ZNF674: variants seen among roughly 807,000 people sequenced by gnomAD.
ZNF674 encodes zinc finger family member 674.
A neutral mutation model predicts 7.0 loss-of-function variants in ZNF674; 2 were observed. That is an observed-to-expected ratio of 0.29 (90% CI 0.12 to 0.90). ZNF674 has a LOEUF of 0.90. Ranked by LOEUF, ZNF674 falls within the 40% of genes least tolerant of loss-of-function variation. The pLI is 0.57. For synonymous variants in ZNF674, 103 were observed against 145.2 expected (o/e 0.71, Z 2.09); for missense variants, 297 against 415.5 (o/e 0.71, Z 2.48).
intron 5 of ZNF674, among the ~76,000 whole-genome samples, chrX:46,519,656 A>C (rs1941871731): frequency 9.0e-6 from 1 of 111,360 alleles, no homozygotes; most frequent in African/African-American, 3.2e-5. Context: ...CATACATAAA[A>C]ATTTAATTTA....
chrX:46,541,818 A>G (rs1942300184), intron 3 of ZNF674, among the ~76,000 whole-genome samples: 1 of 112,098 alleles, frequency 8.9e-6, no homozygotes, highest in Non-Finnish European at 1.9e-5. Flanking sequence ...GAATCTATGT[A>G]TTTAAACAAT....
intron 5 of ZNF674, among the ~76,000 whole-genome samples, chrX:46,527,494 G>A (rs1002132326): frequency 1.8e-5 from 2 of 111,344 alleles, no homozygotes; most frequent in African/African-American, 6.5e-5. Flanking sequence ...TGTGAAACAC[G>A]TGGAACTCAC....
At chrX:46,537,892 C>T (rs767463640) in intron 3 of ZNF674, among the ~76,000 whole-genome samples, 36 of 111,588 alleles carry the variant, frequency 3.2e-4, no homozygotes, top group Non-Finnish European at 5.8e-4. Flanking sequence ...AATTCAAGAT[C>T]GGCCTGGCCA....
At position 46,499,992 on chromosome X, in the gene ZNF674, C is replaced by G. The variant is rs754121663; in HGVS notation, c.1582G>C (p.Ala528Pro). Reference protein sequence around the residue: ...KPYKCSECGKAFSVKSTLIVH... With the variant: ...KPYKCSECGKPFSVKSTLIVH... ...ATGAGAGTTGATTTCACACTGAAGGCCTTCCCACATTCACTACATTTGTAA... is the reference window on the plus strand; with the variant it reads ...ATGAGAGTTGATTTCACACTGAAGGGCTTCCCACATTCACTACATTTGTAA... The change falls in exon 6 of 6, where the codon GCC becomes CCC. Residue 528 changes from alanine to proline, a missense_variant. By Grantham distance (27) the Ala-to-Pro change is conservative. Transcript: ENST00000683375. The G allele has an allele frequency of 1.4e-5, 17 of 1,203,377 alleles. No homozygotes were observed. The South Asian group carries it at 3.0e-4, about 21-fold the overall frequency.
intron 3 of ZNF674, 67 bp from the exon 4 acceptor site, chrX:46,528,976 A>G (rs1358395755): frequency 6.6e-6 from 8 of 1,210,101 alleles, no homozygotes; most frequent in African/African-American, 3.5e-5. Flanking sequence ...GGCACCTCAC[A>G]CACACGGAGG....
At position 46,528,438 on chromosome X, in the gene ZNF674, T is replaced by C. The variant is rs1431859741; in HGVS notation, c.150A>G (p.Leu50=). 1 of 1,207,934 alleles carries C rather than the reference T, an allele frequency of 8.3e-7. No individual in the cohort carries two copies. Among genetic ancestry groups the C allele is most frequent in the Admixed American group, 2.2e-5 (1 of 45,956 alleles). ...TGAAGATCACATCTGGCTTCCCAACTAGATGCCCTGTTTAGGGGACATGAC... is the reference window on the plus strand; with the variant it reads ...TGAAGATCACATCTGGCTTCCCAACCAGATGCCCTGTTTAGGGGACATGAC... ...NYSHLVSVGH[L]VGKPDVIFRL... Residue 50 remains leucine (L), a synonymous_variant, in exon 5 of 6, where the codon CTA becomes CTG. Coordinates refer to ENST00000683375, the MANE Select transcript of ZNF674 (RefSeq NM_001190417.2).
At chrX:46,517,023 G>GA (rs1164492540) in intron 5 of ZNF674, among the ~76,000 whole-genome samples, 1 of 108,946 alleles carries the variant, frequency 9.2e-6, no homozygotes, top group African/African-American at 3.3e-5. Flanking sequence ...AAAAGAAAAA[G>GA]AAAAAAGAAA....
chrX:46,505,028 T>C (rs1941505491), intron 5 of ZNF674, among the ~76,000 whole-genome samples: 1 of 110,236 alleles, frequency 9.1e-6, no homozygotes, highest in South Asian at 3.9e-4. Flanking sequence ...TAGCTGGGAT[T>C]ACAGGTGCAC....
At chrX:46,501,908 T>TTATATATA (rs750102635) in intron 5 of ZNF674, among the ~76,000 whole-genome samples, 6 of 104,288 alleles carry the variant, frequency 5.8e-5, no homozygotes, top group African/African-American at 2.1e-4. Context: ...GCCCTTGCAG[T>TTATATATA]TATATATATA....
rs191140241 is a variant in ZNF674 at position 46,510,634 on chromosome X, A to G, written c.239-9299T>C. Among the ~76,000 whole-genome samples, 5 of 111,842 alleles carry G rather than the reference A, an allele frequency of 4.5e-5. No homozygotes were observed. In the Admixed American group the frequency reaches 4.8e-4, roughly 11 times the overall value. ...TGAAACCCCATCTCTACTAAAAAAT[A>G]TAAAAAATTAGCCAGGCATGGTGGT... On this transcript the variant is annotated intron_variant, in intron 5 of 5. Coordinates refer to ENST00000683375, the MANE Select transcript of ZNF674 (RefSeq NM_001190417.2).
chrX:46,526,830 TA>T (rs1942017563), intron 5 of ZNF674, among the ~76,000 whole-genome samples: 1 of 111,399 alleles, frequency 9.0e-6, no homozygotes, highest in African/African-American at 3.3e-5. Context: ...ATTTGTTAGA[TA>T]GGATACAAAA....
At position 46,528,787 on chromosome X, in the gene ZNF674, G is replaced by A. The variant is rs374750345; in HGVS notation, c.138C>T (p.Ser46=). The A allele has an allele frequency of 4.7e-5, 57 of 1,209,814 alleles. No individual in the cohort carries two copies. Among genetic ancestry groups the A allele is most frequent in the Admixed American group, 6.6e-5 (3 of 45,723 alleles). ...VMLENYSHLV[S]VGHLVGKPDV... ...CCCTGTGGCGCGGTCCCTCACCCAC[G>A]GACACCAGGTGGCTGTAGTTCTCAA... The change falls in exon 4 of 6, where the codon TCC becomes TCT. Residue 46 remains serine (S), a synonymous_variant. Coordinates refer to ENST00000683375, the MANE Select transcript of ZNF674 (RefSeq NM_001190417.2).
At chrX:46,524,855 TA>T (rs983578274) in intron 5 of ZNF674, among the ~76,000 whole-genome samples, 1 of 108,879 alleles carries the variant, frequency 9.2e-6, no homozygotes, top group Admixed American at 9.9e-5. Context: ...ACAAAAAATT[TA>T]AAAAATAGCT....
At chrX:46,537,455 T>C (rs1602089498) in intron 3 of ZNF674, among the ~76,000 whole-genome samples, 1 of 111,900 alleles carries the variant, frequency 8.9e-6, no homozygotes, top group South Asian at 3.7e-4. Context: ...GGGCTGAGAC[T>C]GGGTTCATTT....
At chrX:46,509,411 G>C (rs1394199251) in intron 5 of ZNF674, among the ~76,000 whole-genome samples, 1 of 110,051 alleles carries the variant, frequency 9.1e-6, no homozygotes, top group Non-Finnish European at 1.9e-5. Context: ...CTAATATCCA[G>C]AATCTACAAT....
chrX:46,512,271 A>C (rs1402122967), intron 5 of ZNF674, among the ~76,000 whole-genome samples: 1 of 111,039 alleles, frequency 9.0e-6, no homozygotes, highest in Non-Finnish European at 1.9e-5. Flanking sequence ...CTGAGGCAGG[A>C]GAATCATCTG....
intron 3 of ZNF674, among the ~76,000 whole-genome samples, chrX:46,532,114 G>A (rs1942119628): frequency 8.9e-6 from 1 of 111,777 alleles, no homozygotes; most frequent in Non-Finnish European, 1.9e-5. Flanking sequence ...GCAGTGATGA[G>A]CCGAGATCAC....
Position 46,500,532 on chromosome X carries a change from T to C in ZNF674, c.1042A>G (p.Thr348Ala). ...TCACTGCACTGAGGTTTCTCACTTG[T>C]GTGAATTCTTTGATATATAAGGCTG... ...TSSLIYQRIHTSEKPQCSEHG... is the reference protein window; with the variant it reads ...TSSLIYQRIHASEKPQCSEHG... The change falls in exon 6 of 6, where the codon ACA becomes GCA. Residue 348 changes from threonine (T) to alanine (A), a missense_variant. Transcript: ENST00000683375. 1 of 1,211,381 alleles carries C rather than the reference T, an allele frequency of 8.3e-7. No individual in the cohort carries two copies. The highest frequency in any genetic ancestry group is 2.2e-5 in the Admixed American group (1 of 46,081).
intron 3 of ZNF674, among the ~76,000 whole-genome samples, chrX:46,531,868 AT>A (rs1198323333): frequency 1.5e-4 from 17 of 111,668 alleles, no homozygotes; most frequent in African/African-American, 5.5e-4. Flanking sequence ...ATTAAAAAAA[AT>A]AAAACATATG....
Sources: allele counts gnomAD v4.1 joint callset (sites outside exome capture counted in the v4.1 genomes callset), GRCh38; gene constraint gnomAD v4.1.1; transcripts MANE v1.5; gene names NCBI Gene and HGNC (gene_info 2026-07-23, HGNC 2026-07-21).